RAE1: variants seen among roughly 807,000 people sequenced by gnomAD.
The protein encoded by RAE1 is ribonucleic acid export 1.
A neutral mutation model predicts 52.7 loss-of-function variants in RAE1; 13 were observed. That is an observed-to-expected ratio of 0.25 (90% CI 0.16 to 0.39). The LOEUF is 0.39. RAE1 is among the 10% of genes least tolerant of loss of function. RAE1 has a pLI of 1.00. For missense variants in RAE1, 262 were observed against 459.8 expected (o/e 0.57, Z 3.93); for synonymous variants, 164 against 153.1 (o/e 1.07, Z -0.52).
intron 1 of RAE1, among the ~76,000 whole-genome samples, chr20:57,352,281 C>T (rs1568775093): frequency 2.0e-5 from 3 of 152,092 alleles, no homozygotes; most frequent in Non-Finnish European, 4.4e-5. Flanking sequence ...CCAAGAAGTT[C>T]GGAGGAGGCA....
At chr20:57,376,826 CTA>C (rs1157271655) in intron 11 of RAE1, among the ~76,000 whole-genome samples, 3 of 152,170 alleles carry the variant, frequency 2.0e-5, no homozygotes, top group Non-Finnish European at 4.4e-5. Flanking sequence ...ACGCGGGACT[CTA>C]TACGTTATAC....
intron 8 of RAE1, 133 bp downstream of exon 8, chr20:57,368,945 AAC>A: frequency 1.4e-6 from 1 of 699,050 alleles, no homozygotes; most frequent in Non-Finnish European, 2.5e-6. Context: ...GAAGGATATA[AAC>A]ACAAATACTT....
At chr20:57,367,343 T>C (rs1481394393) in intron 7 of RAE1, among the ~76,000 whole-genome samples, 1 of 152,174 alleles carries the variant, frequency 6.6e-6, no homozygotes, top group Non-Finnish European at 1.5e-5. Flanking sequence ...ACATGCCATC[T>C]CTAGTGTGAC....
chr20:57,372,710 G>C (rs1255066131), intron 8 of RAE1: 1 of 152,298 alleles, frequency 6.6e-6, no homozygotes, highest in Non-Finnish European at 1.5e-5. Context: ...GCCAGAGGCT[G>C]CTTCTCCCTT....
intron 1 of RAE1, 26 bp downstream of exon 1, chr20:57,351,448 G>T (rs751394478): frequency 1.0e-6 from 1 of 985,360 alleles, no homozygotes; most frequent in African/African-American, 1.7e-5. Context: ...CGCGCGTCCC[G>T]TCGTTAACCG....
chr20:57,368,782 C>G lies in RAE1; in HGVS notation c.612C>G (p.Phe204Leu). Residue 204 changes from phenylalanine (F) to leucine (L), a missense_variant, in exon 8 of 12, where the codon TTC becomes TTG. Coordinates refer to ENST00000395841, the MANE Select transcript of RAE1 (RefSeq NM_003610.4). ...AGCTAGAGAATCAACCTTCTGAATT[C>G]AGGAGGATAGAATCTCCACTGAAAC... Reference protein sequence around the residue: ...VYQLENQPSEFRRIESPLKHQ... With the variant: ...VYQLENQPSELRRIESPLKHQ... 1 of 1,613,128 alleles carries G rather than the reference C, an allele frequency of 6.2e-7. No individual in the cohort carries two copies. The highest frequency in any genetic ancestry group is 8.5e-7 in the Non-Finnish European group (1 of 1,179,606).
chr20:57,371,415 T>G (rs920030750), intron 8 of RAE1: 1 of 152,172 alleles, frequency 6.6e-6, no homozygotes, highest in Non-Finnish European at 1.5e-5. Context: ...TGAATAGACA[T>G]GTCTCCAAAG....
At chr20:57,374,965 G>A (rs528307011) in intron 11 of RAE1, 164 bp downstream of exon 11, 1 of 795,896 alleles carries the variant, frequency 1.3e-6, no homozygotes, top group East Asian at 2.6e-5. Context: ...TTCCTCAAAT[G>A]GTTGTGGGGA....
chr20:57,365,375 C>T lies in RAE1; in HGVS notation c.308C>T (p.Thr103Met), dbSNP rs767241551. ...CWSDDGSKVF[T>M]ASCDKTAKMW... The stretch of plus-strand genomic sequence containing the variant: ...TTTTAGGATGGGAGCAAAGTGTTTA[C>T]GGCATCGTGTGATAAAACTGCCAAA... The change falls in exon 5 of 12, where the codon ACG (threonine) becomes ATG (methionine). Residue 103 changes from threonine to methionine, a missense_variant. Thr to Met is a moderately conservative substitution (Grantham distance 81, BLOSUM62 -1). Coordinates refer to ENST00000395841, the MANE Select transcript of RAE1 (RefSeq NM_003610.4). The T allele has an allele frequency of 9.3e-6, 15 of 1,609,086 alleles. No individual in the cohort carries two copies. In the East Asian group the frequency reaches 1.3e-4, roughly 14 times the overall value.
intron 11 of RAE1, 106 bp from the exon 12 acceptor site, chr20:57,377,907 T>G (rs2067139390): frequency 2.7e-6 from 2 of 736,888 alleles, no homozygotes; most frequent in Admixed American, 2.9e-5. Context: ...TCTGAGAGAT[T>G]ATATGTTTCC....
At chr20:57,369,852 C>T (rs1274123720) in intron 8 of RAE1, among the ~76,000 whole-genome samples, 2 of 152,208 alleles carry the variant, frequency 1.3e-5, no homozygotes, top group Admixed American at 1.3e-4. Flanking sequence ...TCCTCTTTCT[C>T]CTGCCAGATC....
chr20:57,353,523 G>A (rs556498586), intron 1 of RAE1, among the ~76,000 whole-genome samples: 135 of 152,312 alleles, frequency 8.9e-4, no homozygotes, highest in African/African-American at 2.3e-3. Context: ...TTCGCTTCCC[G>A]GACTGGTTGT....
intron 5 of RAE1, among the ~76,000 whole-genome samples, chr20:57,366,237 A>G (rs575671390): frequency 1.3e-5 from 2 of 151,810 alleles, no homozygotes; most frequent in East Asian, 3.9e-4. Context: ...AGGTAGATAT[A>G]TGTTTTTGTG....
intron 11 of RAE1, among the ~76,000 whole-genome samples, chr20:57,376,762 C>CTT (rs2067122346): frequency 6.6e-6 from 1 of 152,256 alleles, no homozygotes; most frequent in Non-Finnish European, 1.5e-5. Context: ...TGAATCTCCT[C>CTT]TTTGCATACT....
At chr20:57,356,921 A>G (rs891544470) in intron 4 of RAE1, among the ~76,000 whole-genome samples, 7 of 152,162 alleles carry the variant, frequency 4.6e-5, no homozygotes, top group Non-Finnish European at 1.0e-4. Context: ...ACAGCTGTAG[A>G]CGGGCCTCGG....
chr20:57,376,339 A>G (rs1284600627), intron 11 of RAE1, among the ~76,000 whole-genome samples: 1 of 152,158 alleles, frequency 6.6e-6, no homozygotes, highest in African/African-American at 2.4e-5. Context: ...TACCCATGAA[A>G]CTATCACCAT....
chr20:57,355,123 A>G (rs2146128133), intron 3 of RAE1, among the ~76,000 whole-genome samples: 1 of 152,340 alleles, frequency 6.6e-6, no homozygotes, highest in Admixed American at 6.5e-5. Flanking sequence ...GGCACACACC[A>G]ACAAATTCCC....
At chr20:57,376,410 A>T (rs1439136092) in intron 11 of RAE1, among the ~76,000 whole-genome samples, 2 of 152,168 alleles carry the variant, frequency 1.3e-5, no homozygotes, top group South Asian at 4.1e-4. Context: ...GCACACACAA[A>T]ACCATGGATC....
At chr20:57,354,864 G>T in intron 3 of RAE1, 48 bp downstream of exon 3, 1 of 1,405,362 alleles carries the variant, frequency 7.1e-7, no homozygotes, top group Non-Finnish European at 9.7e-7. Context: ...CTCTTTGTAT[G>T]GCCAAGGTTA....
Sources: gnomAD v4.1 joint callset for allele counts (sites outside exome capture counted in the v4.1 genomes callset) on GRCh38, gnomAD v4.1.1 for gene constraint, MANE v1.5 for transcripts, NCBI Gene and HGNC (gene_info 2026-07-23, HGNC 2026-07-21) for gene names.